HSD17B8: variants seen among roughly 807,000 people sequenced by gnomAD.
The protein encoded by HSD17B8 is (3R)-3-hydroxyacyl-CoA dehydrogenase.
HSD17B8 carries 23 observed loss-of-function variants against 33.2 expected under a neutral mutation model. That is an observed-to-expected ratio of 0.69 (90% CI 0.50 to 0.98). The LOEUF is 0.98. Among genes scored for constraint, HSD17B8 ranks in the 50% least tolerant of loss-of-function variants. The pLI is 0.00. For missense variants in HSD17B8, 345 were observed against 347.5 expected (o/e 0.99, Z 0.06); for synonymous variants, 137 against 138.6 (o/e 0.99, Z 0.08).
In HSD17B8 at chr6:33,206,732, C is replaced by T; in HGVS notation, c.*78C>T. 6.8e-7 allele frequency: 1 copy of T among 1,461,292 alleles called. No individual in the cohort carries two copies. The highest frequency in any genetic ancestry group is 9.6e-7 in the Non-Finnish European group (1 of 1,041,060). 90.5% of individuals were successfully genotyped at this position (1,461,292 alleles called of 1,614,324 possible). On this transcript the variant is annotated 3_prime_UTR_variant, in exon 9 of 9. Transcript: ENST00000374662. This position sits in a 1 kb window ranked among gnomAD's most constrained non-coding sequence, Gnocchi z 6.2. Reference sequence around the variant, plus strand: ...CCTGCTGATGAGGACTCTAAGTTCCCAGGATACAAAAGGGGTGGCAGTGTA... The same window carrying T: ...CCTGCTGATGAGGACTCTAAGTTCCTAGGATACAAAAGGGGTGGCAGTGTA...
rs1268156410 is a variant in HSD17B8, at chr6:33,205,055, A to G, written c.206A>G (p.His69Arg). 1.1e-5 allele frequency: 17 copies of G among 1,559,590 alleles called. No individual in the cohort carries two copies. The highest frequency in any genetic ancestry group is 6.1e-5 in the South Asian group (5 of 82,218). ...AAGGAGGGGCCGCCCCGAGGGAACC[A>G]TGCTGCCTTCCAGGCTGACGTGTCT... ...GSKEGPPRGN[H>R]AAFQADVSEA... Residue 69 changes from histidine (H) to arginine (R), a missense_variant, in exon 2 of 9, where the codon CAT (histidine) becomes CGT (arginine). Coordinates refer to ENST00000374662, the MANE Select transcript of HSD17B8 (RefSeq NM_014234.5). The surrounding 1 kb of genome is among the most constrained non-coding windows in gnomAD (Gnocchi z 5.0).
chr6:33,205,526 GC>G lies in HSD17B8; in HGVS notation c.468del (p.Ser156ArgfsTer3), dbSNP rs1259602136. On this transcript the variant is annotated frameshift_variant, in exon 4 of 9. Coordinates refer to ENST00000374662, the MANE Select transcript of HSD17B8 (RefSeq NM_014234.5). LOFTEE classifies it high-confidence loss of function. The surrounding 1 kb of genome is among the most constrained non-coding windows in gnomAD (Gnocchi z 5.0). ...GCRGSIINIS[S>X]IVGKVGNVGQ... is the part of the protein sequence containing the mutation. ...CGTGGTTCCATCATCAACATCAGTA[GC>G]ATCGTAGGAAAGGTCAGGTTGAGTT... 2 of 1,612,942 alleles carry G rather than the reference GC, an allele frequency of 1.2e-6. No homozygotes were observed. The highest frequency in any genetic ancestry group is 2.7e-5 in the African/African-American group (2 of 74,914).
Position 33,206,213 on chromosome 6 carries a change from G to A in HSD17B8, c.694+37G>A. ...ATGTAGTGGGGTCCCTGGGAAGGGGGCCTGAATGAAGAGATCCCCAAAGTT... is the reference window on the plus strand; with the variant it reads ...ATGTAGTGGGGTCCCTGGGAAGGGGACCTGAATGAAGAGATCCCCAAAGTT... On this transcript the variant is annotated intron_variant, in intron 7 of 8. Coordinates refer to ENST00000374662, the MANE Select transcript of HSD17B8 (RefSeq NM_014234.5). The surrounding 1 kb of genome is among the most constrained non-coding windows in gnomAD (Gnocchi z 6.2). 1 of 1,606,994 alleles carries A rather than the reference G, an allele frequency of 6.2e-7. No individual in the cohort carries two copies. Among genetic ancestry groups the A allele is most frequent in the Non-Finnish European group, 8.5e-7 (1 of 1,175,200 alleles).
rs1430074124 is a variant in HSD17B8, at chr6:33,206,674, C to T, written c.*20C>T. On this transcript the variant is annotated 3_prime_UTR_variant, in exon 9 of 9. Transcript: ENST00000374662. The surrounding 1 kb of genome is among the most constrained non-coding windows in gnomAD (Gnocchi z 6.2). ...ATGTAACTGCCTCAAGGACCCTGGACTCTGCTCACCCCCCCACCACTCTGC... is the reference window on the plus strand; with the variant it reads ...ATGTAACTGCCTCAAGGACCCTGGATTCTGCTCACCCCCCCACCACTCTGC... The T allele has an allele frequency of 1.2e-6, 2 of 1,612,984 alleles. No individual in the cohort carries two copies. The highest frequency in any genetic ancestry group is 1.7e-6 in the Non-Finnish European group (2 of 1,179,016).
At position 33,206,234 on chromosome 6, in the gene HSD17B8, A is replaced by G; in HGVS notation, c.694+58A>G. 1 of 1,588,860 alleles carries G rather than the reference A, an allele frequency of 6.3e-7. No individual in the cohort carries two copies. Among genetic ancestry groups the G allele is most frequent in the Non-Finnish European group, 8.6e-7 (1 of 1,159,796 alleles). On this transcript the variant is annotated intron_variant, in intron 7 of 8. Coordinates refer to ENST00000374662, the MANE Select transcript of HSD17B8 (RefSeq NM_014234.5). The surrounding 1 kb of genome is among the most constrained non-coding windows in gnomAD (Gnocchi z 6.2). ...GGGGGCCTGAATGAAGAGATCCCCA[A>G]AGTTTGGGGATTTTCTAGGGGACTG... is the stretch of plus-strand genomic sequence containing the variant.
chr6:33,206,788 G>C lies in HSD17B8; in HGVS notation c.*134G>C, dbSNP rs1775098703. ...CAGGAATGCTGAATATGGGAAGCAG[G>C]GGTGCTTGTGACCCTAATAAATTCC... On this transcript the variant is annotated 3_prime_UTR_variant, in exon 9 of 9. Coordinates refer to ENST00000374662, the MANE Select transcript of HSD17B8 (RefSeq NM_014234.5). The surrounding 1 kb of genome is among the most constrained non-coding windows in gnomAD (Gnocchi z 6.2). 2.1e-6 allele frequency: 2 copies of C among 944,540 alleles called. No individual in the cohort carries two copies. The highest frequency in any genetic ancestry group is 3.3e-5 in the African/African-American group (2 of 61,070). 58.5% of individuals were successfully genotyped at this position (944,540 alleles called of 1,614,324 possible).
At position 33,205,352 on chromosome 6, in the gene HSD17B8, ACCTGCGACGTTTGGCCC is replaced by A; in HGVS notation, c.387+19_387+35del. On this transcript the variant is annotated intron_variant, in intron 3 of 8. Coordinates refer to ENST00000374662, the MANE Select transcript of HSD17B8 (RefSeq NM_014234.5). This position sits in a 1 kb window ranked among gnomAD's most constrained non-coding sequence, Gnocchi z 5.0. ...TCAACCTCAAGGTGGCGATCTCTGA[ACCTGCGACGTTTGGCCC>A]CCTTAGCCTGGGGAGGGAGTTGGAG... is the stretch of plus-strand genomic sequence containing the variant. 1 of 1,610,324 alleles carries A rather than the reference ACCTGCGACGTTTGGCCC, an allele frequency of 6.2e-7. No individual in the cohort carries two copies. Among genetic ancestry groups the A allele is most frequent in the Non-Finnish European group, 8.5e-7 (1 of 1,177,272 alleles).
rs1775096967 is a variant in HSD17B8 at position 33,206,730 on chromosome 6, C to T, written c.*76C>T. On this transcript the variant is annotated 3_prime_UTR_variant, in exon 9 of 9. Transcript: ENST00000374662. The surrounding 1 kb of genome is among the most constrained non-coding windows in gnomAD (Gnocchi z 6.2). Reference sequence around the variant, plus strand: ...CTCCTGCTGATGAGGACTCTAAGTTCCCAGGATACAAAAGGGGTGGCAGTG... The same window carrying T: ...CTCCTGCTGATGAGGACTCTAAGTTTCCAGGATACAAAAGGGGTGGCAGTG... The T allele has an allele frequency of 6.8e-7, 1 of 1,461,440 alleles. No homozygotes were observed. The highest frequency in any genetic ancestry group is 1.4e-5 in the African/African-American group (1 of 71,534). 90.5% of individuals were successfully genotyped at this position (1,461,440 alleles called of 1,614,324 possible). A position where few individuals can be genotyped will look rare whatever the true frequency, so the allele number is the denominator to read the frequency against.
rs1215395363 is a variant in HSD17B8 at position 33,206,280 on chromosome 6, G to A, written c.695-95G>A. The A allele has an allele frequency of 1.2e-5, 19 of 1,553,552 alleles. No homozygotes were observed. Among genetic ancestry groups the A allele is most frequent in the Admixed American group, 1.7e-5 (1 of 59,780 alleles). On this transcript the variant is annotated intron_variant, in intron 7 of 8. Coordinates refer to ENST00000374662, the MANE Select transcript of HSD17B8 (RefSeq NM_014234.5). This position sits in a 1 kb window ranked among gnomAD's most constrained non-coding sequence, Gnocchi z 6.2. ...GACTGGTGGTTGGTGTCTGTGGAGA[G>A]GTTTGTGGGGAGGGATGTCTTTGGT... is the stretch of plus-strand genomic sequence containing the variant.
rs528195394 is a variant in HSD17B8 at position 33,205,074 on chromosome 6, C to T, written c.225C>T (p.Asp75=). Residue 75 remains aspartate, a synonymous_variant, in exon 2 of 9, where the codon GAC becomes GAT. Transcript: ENST00000374662. The surrounding 1 kb of genome is among the most constrained non-coding windows in gnomAD (Gnocchi z 5.0). ...GGAACCATGCTGCCTTCCAGGCTGACGTGTCTGAGGCCAGGGCCGCCAGGT... is the reference window on the plus strand; with the variant it reads ...GGAACCATGCTGCCTTCCAGGCTGATGTGTCTGAGGCCAGGGCCGCCAGGT... ...PRGNHAAFQA[D]VSEARAARCL... is the part of the protein sequence containing the mutation. 17 of 1,564,350 alleles carry T rather than the reference C, an allele frequency of 1.1e-5. No homozygotes were observed. Among genetic ancestry groups the T allele is most frequent in the Non-Finnish European group, 1.5e-5 (17 of 1,156,228 alleles).
chr6:33,206,378 T>C lies in HSD17B8; in HGVS notation c.698T>C (p.Val233Ala). ...PMGHLGDPED[V>A]ADVVAFLASE... is the part of the protein sequence containing the mutation. ...CCTCTCCCCACCATTCTCATAGATG[T>C]GGCAGATGTGGTCGCATTCTTGGCA... The change falls in exon 8 of 9, where the codon GTG (valine) becomes GCG (alanine). Residue 233 changes from valine to alanine, a missense_variant. Val to Ala is a moderately conservative substitution (Grantham distance 64). Transcript: ENST00000374662. This position sits in a 1 kb window ranked among gnomAD's most constrained non-coding sequence, Gnocchi z 6.2. 1 of 1,613,644 alleles carries C rather than the reference T, an allele frequency of 6.2e-7. No homozygotes were observed. Among genetic ancestry groups the C allele is most frequent in the Non-Finnish European group, 8.5e-7 (1 of 1,179,922 alleles).
At chr6:33,204,834 G>T (rs1774914610) in intron 1 of HSD17B8, 68 bp from the exon 2 acceptor site, 2 of 1,526,998 alleles carry the variant, frequency 1.3e-6, no homozygotes, top group South Asian at 1.2e-5. Context: ...TTTACTTTCT[G>T]CCCTGTGACC....
chr6:33,206,429 G>A lies in HSD17B8; in HGVS notation c.749G>A (p.Gly250Glu). 1 of 1,613,912 alleles carries A rather than the reference G, an allele frequency of 6.2e-7. No homozygotes were observed. Among genetic ancestry groups the A allele is most frequent in the Non-Finnish European group, 8.5e-7 (1 of 1,179,804 alleles). ...LASEDSGYITGTSVEVTGGLF... is the reference protein window; with the variant it reads ...LASEDSGYITETSVEVTGGLF... ...TCTGAAGATAGTGGATACATCACAG[G>A]GACCTCAGTGGAAGTCACTGGTATG... Residue 250 changes from glycine to glutamate, a missense_variant, in exon 8 of 9, where the codon GGG (glycine) becomes GAG (glutamate). By Grantham distance (98) the Gly-to-Glu change is moderately conservative (BLOSUM62 -2). Transcript: ENST00000374662. This position sits in a 1 kb window ranked among gnomAD's most constrained non-coding sequence, Gnocchi z 6.2.
Position 33,205,200 on chromosome 6 carries a change from C to A in HSD17B8, c.271-21C>A, listed in dbSNP as rs1774943453. On this transcript the variant is annotated intron_variant, in intron 2 of 8. Coordinates refer to ENST00000374662, the MANE Select transcript of HSD17B8 (RefSeq NM_014234.5). This position sits in a 1 kb window ranked among gnomAD's most constrained non-coding sequence, Gnocchi z 5.0. ...GGCTTTTTGTGGGGGGTTTTTGATG[C>A]GTAACCTCCCCCTCCCATAGGCCTG... 2 of 1,609,350 alleles carry A rather than the reference C, an allele frequency of 1.2e-6. No homozygotes were observed. The highest frequency in any genetic ancestry group is 2.2e-5 in the South Asian group (2 of 90,906).
At chr6:33,204,878 C>A in intron 1 of HSD17B8, 24 bp from the exon 2 acceptor site, 1 of 1,488,124 alleles carries the variant, frequency 6.7e-7, no homozygotes, top group Non-Finnish European at 9.0e-7. Flanking sequence ...CGTGCCCGGT[C>A]CGGCGTGTTC....
At position 33,205,946 on chromosome 6, in the gene HSD17B8, A is replaced by G. The variant is rs748261942; in HGVS notation, c.651+34A>G. 1.3e-6 allele frequency: 2 copies of G among 1,543,858 alleles called. No individual in the cohort carries two copies. Among genetic ancestry groups the G allele is most frequent in the African/African-American group, 2.7e-5 (2 of 72,834 alleles). On this transcript the variant is annotated intron_variant, in intron 6 of 8. Transcript: ENST00000374662. This position sits in a 1 kb window ranked among gnomAD's most constrained non-coding sequence, Gnocchi z 5.0. ...CTGTGGGTGGAGGGCAGAATCATTC[A>G]GAGACTCAATCTCTCTGGGCTTCAC...
Position 33,204,994 on chromosome 6 carries a change from C to T in HSD17B8, c.145C>T (p.Gln49Ter). 6.7e-7 allele frequency: 1 copy of T among 1,495,820 alleles called. No homozygotes were observed. The highest frequency in any genetic ancestry group is 8.9e-7 in the Non-Finnish European group (1 of 1,128,188). 92.7% of individuals were successfully genotyped at this position (1,495,820 alleles called of 1,614,324 possible). A position where few individuals can be genotyped will look rare whatever the true frequency, so the allele number is the denominator to read the frequency against. Residue 49 changes from glutamine (Q) to a stop codon, truncating the protein, a stop_gained, in exon 2 of 9, where the codon CAG (glutamine) becomes TAG (stop). Transcript: ENST00000374662. LOFTEE classifies it high-confidence loss of function. Reference protein sequence around the residue: ...AACDLDRAAAQETVRLLGGPG... With the variant: ...AACDLDRAAA ...CTGCGACCTGGACCGGGCAGCGGCA[C>T]AGGAGACGGTGCGGCTGCTGGGCGG...
In HSD17B8 at chr6:33,205,248, G is replaced by A. The variant is rs759065768; in HGVS notation, c.298G>A (p.Val100Ile). The A allele has an allele frequency of 9.3e-6, 15 of 1,612,442 alleles. No individual in the cohort carries two copies. Among genetic ancestry groups the A allele is most frequent in the Non-Finnish European group, 1.2e-5 (14 of 1,180,026 alleles). The change falls in exon 3 of 9, where the codon GTT becomes ATT. Residue 100 changes from valine to isoleucine, a missense_variant. Coordinates refer to ENST00000374662, the MANE Select transcript of HSD17B8 (RefSeq NM_014234.5). This position sits in a 1 kb window ranked among gnomAD's most constrained non-coding sequence, Gnocchi z 5.0. ...QACFSRPPSV[V>I]VSCAGITQDE... The stretch of plus-strand genomic sequence containing the variant: ...CTGCTTTTCTCGCCCACCATCTGTC[G>A]TTGTGTCCTGTGCGGGCATCACCCA...
chr6:33,205,341 G>T lies in HSD17B8; in HGVS notation c.387+4G>T. On this transcript the variant is annotated splice_donor_region_variant and intron_variant, in intron 3 of 8. Transcript: ENST00000374662. This position sits in a 1 kb window ranked among gnomAD's most constrained non-coding sequence, Gnocchi z 5.0. The stretch of plus-strand genomic sequence containing the variant: ...AGTCATAGCTGTCAACCTCAAGGTG[G>T]CGATCTCTGAACCTGCGACGTTTGG... The T allele has an allele frequency of 6.2e-7, 1 of 1,612,512 alleles. No homozygotes were observed. The highest frequency in any genetic ancestry group is 8.5e-7 in the Non-Finnish European group (1 of 1,179,128).
Sources: gnomAD v4.1 joint callset for allele counts on GRCh38, gnomAD v4.1.1 for gene constraint, Gnocchi (gnomAD v3.1) non-coding constraint, MANE v1.5 for transcripts, NCBI Gene and HGNC (gene_info 2026-07-23, HGNC 2026-07-21) for gene names.